The following CAPS2 variants were observed in gnomAD, a reference collection of about 807,000 sequenced individuals.
CAPS2 encodes calcyphosin-2.
CAPS2 carries 98 observed loss-of-function variants against 86.5 expected under a neutral mutation model. That is an observed-to-expected ratio of 1.13 (90% CI 0.96 to 1.34). CAPS2 has a LOEUF of 1.34. CAPS2 is among the 40% of genes most tolerant of loss of function. CAPS2 has a pLI of 0.00. For synonymous variants in CAPS2, 210 were observed against 225.1 expected, an observed-to-expected ratio of 0.93 and a Z score of 0.60; for missense variants, 729 against 686.8, an observed-to-expected ratio of 1.06 and a Z score of -0.69.
At chr12:75,300,507 G>C (rs998187789) in intron 8 of CAPS2, among the ~76,000 whole-genome samples, 1 of 130,122 alleles carries the variant, frequency 7.7e-6, no homozygotes, top group African/African-American at 2.9e-5. Context: ...AGTGAGCCGA[G>C]ATCGCGCCAC....
upstream of CAPS2, among the ~76,000 whole-genome samples, chr12:75,330,410 G>A (rs1288814944): frequency 6.6e-6 from 1 of 152,240 alleles, no homozygotes; most frequent in Non-Finnish European, 1.5e-5. Flanking sequence ...GCCAAAGCCC[G>A]GCCCGGATCC....
chr12:75,312,936 C>T, intron 6 of CAPS2, 21 bp from the exon 7 acceptor site: 1 of 1,474,906 alleles, frequency 6.8e-7, no homozygotes, highest in Non-Finnish European at 9.5e-7. Context: ...TAAATAAAGA[C>T]AACTTCACCA....
At chr12:75,298,701 C>G (rs773007096) in exon 11 of CAPS2, 2 of 1,613,502 alleles carry the variant, frequency 1.2e-6, no homozygotes, top group East Asian at 2.2e-5. Context: ...TAAAAATCAC[C>G]AAGTCGGTAT....
upstream of CAPS2, chr12:75,334,460 A>C: frequency 7.9e-7 from 1 of 1,267,888 alleles, no homozygotes; most frequent in East Asian, 3.4e-5. Flanking sequence ...TTGGATCCAC[A>C]GAAAGCAGTT....
chr12:75,377,645 TCTC>T, intron 1 of CAPS2, among the ~76,000 whole-genome samples: 1 of 152,078 alleles, frequency 6.6e-6, no homozygotes, highest in East Asian at 1.9e-4. Flanking sequence ...CATTCCACCT[TCTC>T]CTGCCTGCTT....
At chr12:75,375,114 C>T (rs1371887635) in intron 1 of CAPS2, among the ~76,000 whole-genome samples, 1 of 152,118 alleles carries the variant, frequency 6.6e-6, no homozygotes, top group Non-Finnish European at 1.5e-5. Context: ...TCTTTTTGGC[C>T]TTTCCTACCA....
upstream of CAPS2, among the ~76,000 whole-genome samples, chr12:75,332,223 C>A (rs1377005710): frequency 6.6e-6 from 1 of 152,162 alleles, no homozygotes; most frequent in Non-Finnish European, 1.5e-5. Flanking sequence ...TTTCTCTATA[C>A]ACTAAATGAA....
chr12:75,328,381 T>C (rs886696482), upstream of CAPS2, among the ~76,000 whole-genome samples: 1 of 152,136 alleles, frequency 6.6e-6, no homozygotes, highest in Non-Finnish European at 1.5e-5. Flanking sequence ...TATAATTTAT[T>C]TGCAAATTTA....
chr12:75,389,407 T>C (rs535503632), intron 1 of CAPS2, among the ~76,000 whole-genome samples: 21 of 152,300 alleles, frequency 1.4e-4, no homozygotes, highest in African/African-American at 4.8e-4. Context: ...GGTCTAATTA[T>C]TTAAGAAAAG....
At chr12:75,279,013 A>G in exon 17 of CAPS2, 1 of 1,610,284 alleles carries the variant, frequency 6.2e-7, no homozygotes, top group Non-Finnish European at 8.5e-7. Flanking sequence ...TGCTGCAGGC[A>G]ACTTTTAATG....
intron 13 of CAPS2, among the ~76,000 whole-genome samples, chr12:75,291,094 A>G (rs2035777228): frequency 6.6e-6 from 1 of 152,046 alleles, no homozygotes. Flanking sequence ...AAACTGACAT[A>G]TATCTAATTT....
intron 8 of CAPS2, among the ~76,000 whole-genome samples, chr12:75,300,539 G>T (rs2037665348): frequency 8.7e-6 from 1 of 115,188 alleles, no homozygotes; most frequent in Non-Finnish European, 1.6e-5. Context: ...CTGGGCGACA[G>T]AGCCAGACTC....
exon 17 of CAPS2, chr12:75,277,930 A>G (rs1290727395): frequency 3.9e-5 from 33 of 836,128 alleles, no homozygotes; most frequent in Admixed American, 6.3e-5. Flanking sequence ...TTAGAAGGAA[A>G]TGTTTCAATT....
chr12:75,344,504 A>G (rs976008666), intron 1 of CAPS2, among the ~76,000 whole-genome samples: 10 of 152,010 alleles, frequency 6.6e-5, no homozygotes, highest in Non-Finnish European at 8.8e-5. Context: ...TATACCTAAT[A>G]TGTTTTCTCT....
At chr12:75,353,603 C>A (rs1021244047) in intron 1 of CAPS2, among the ~76,000 whole-genome samples, 3 of 152,122 alleles carry the variant, frequency 2.0e-5, no homozygotes, top group Non-Finnish European at 2.9e-5. Flanking sequence ...TGAAAATATT[C>A]CAAACAACTG....
At chr12:75,311,734 A>AAAC (rs2039240320) in intron 7 of CAPS2, among the ~76,000 whole-genome samples, 1 of 115,634 alleles carries the variant, frequency 8.6e-6, no homozygotes, top group African/African-American at 3.0e-5. Flanking sequence ...CAAAAAAAAA[A>AAAC]AAAAAAACCT....
intron 6 of CAPS2, among the ~76,000 whole-genome samples, chr12:75,316,057 A>T (rs1244039060): frequency 6.6e-6 from 1 of 152,218 alleles, no homozygotes; most frequent in Non-Finnish European, 1.5e-5. Flanking sequence ...TAACATAAAT[A>T]GCAGCCAACT....
chr12:75,296,160 A>T (rs1465074677), intron 11 of CAPS2, among the ~76,000 whole-genome samples: 1 of 152,178 alleles, frequency 6.6e-6, no homozygotes, highest in Non-Finnish European at 1.5e-5. Flanking sequence ...GTCTCCTGTA[A>T]ATAATTATTA....
At chr12:75,377,520 A>G (rs1022474192) in intron 1 of CAPS2, among the ~76,000 whole-genome samples, 5 of 152,158 alleles carry the variant, frequency 3.3e-5, no homozygotes, top group African/African-American at 9.7e-5. Flanking sequence ...CCCCTGGTAA[A>G]CCACTGGTGT....
Sources: gnomAD v4.1 joint callset for allele counts (sites outside exome capture counted in the v4.1 genomes callset) on GRCh38, gnomAD v4.1.1 for gene constraint, MANE v1.5 for transcripts, NCBI Gene and HGNC (gene_info 2026-07-23, HGNC 2026-07-21) for gene names.